Variants in MOB4 observed in about 807,000 individuals in gnomAD.
MOB4 encodes MOB-like protein phocein.
Under a neutral mutation model 32.2 loss-of-function variants are expected in MOB4, and 4 were observed. The ratio of observed to expected loss-of-function variants is 0.12; its 90% CI spans 0.06 to 0.28. The LOEUF (loss-of-function observed/expected upper bound fraction) is 0.28. MOB4 is among the 10% of genes least tolerant of loss of function. The pLI is 1.00. For synonymous variants in MOB4, 88 were observed against 88.1 expected (o/e 1.00, Z 0.01); for missense variants, 158 against 271.2 (o/e 0.58, Z 2.93).
chr2:197,520,375 A>G lies in MOB4; in HGVS notation c.61-3249A>G, dbSNP rs541286328. Among the ~76,000 whole-genome samples, 188 of 151,948 alleles carry G rather than the reference A, an allele frequency of 1.2e-3. 1 individual carries two copies. The highest frequency in any genetic ancestry group is 4.3e-3 in the African/African-American group (179 of 41,434). ...AGGATGGTCTCGATCTGCTGACCTC[A>G]TGATCCGCCTGCCTCGGCCTCCCAA... is the stretch of plus-strand genomic sequence containing the variant. On this transcript the variant is annotated intron_variant, in intron 1 of 7. Transcript: ENST00000323303.
chr2:197,541,040 A>G (rs1303134577), intron 5 of MOB4, among the ~76,000 whole-genome samples: 1 of 151,920 alleles, frequency 6.6e-6, no homozygotes, highest in African/African-American at 2.4e-5. Flanking sequence ...GGCTGAGATT[A>G]CAGGCATGCG....
At chr2:197,519,305 A>G (rs909374363) in intron 1 of MOB4, among the ~76,000 whole-genome samples, 6 of 152,330 alleles carry the variant, frequency 3.9e-5, no homozygotes, top group East Asian at 1.9e-4. Flanking sequence ...CAGTTATGAG[A>G]AGGCGAAACA....
chr2:197,550,629 G>A lies in MOB4; in HGVS notation c.661G>A (p.Gly221Arg), dbSNP rs1305472695. 6.3e-7 allele frequency: 1 copy of A among 1,599,332 alleles called. No individual in the cohort carries two copies. The highest frequency in any genetic ancestry group is 1.3e-5 in the African/African-American group (1 of 74,116). ...AGAGGAAGTACAGAATTCAGTTTCT[G>A]GGGAAAGTGAAGCATGAAGGGAATC... ...LEEEVQNSVSGESEA is the reference protein window; with the variant it reads ...LEEEVQNSVSRESEA Residue 221 changes from glycine to arginine, a missense_variant, in exon 8 of 8, where the codon GGG becomes AGG. By Grantham distance (125) the Gly-to-Arg change is moderately radical. This residue lies in a region of MOB4 where 45 missense variants were observed against 65.6 expected (regional missense o/e 0.69). Transcript: ENST00000323303.
chr2:197,531,535 T>C (rs2086704772), intron 2 of MOB4, among the ~76,000 whole-genome samples: 1 of 152,142 alleles, frequency 6.6e-6, no homozygotes, highest in African/African-American at 2.4e-5. Context: ...TATATCTTTT[T>C]ACAAACTTGG....
At chr2:197,527,556 CTATA>C (rs2086630798) in intron 2 of MOB4, among the ~76,000 whole-genome samples, 1 of 152,104 alleles carries the variant, frequency 6.6e-6, no homozygotes, top group Admixed American at 6.6e-5. Flanking sequence ...TTGGGATTTC[CTATA>C]TATAGGATCA....
chr2:197,527,444 C>A (rs1182310289), intron 2 of MOB4, among the ~76,000 whole-genome samples: 3 of 152,134 alleles, frequency 2.0e-5, no homozygotes, highest in Non-Finnish European at 4.4e-5. Context: ...TTTTTAGATT[C>A]TTACAGGTAT....
At chr2:197,515,754 C>T, upstream of MOB4, 1 of 378,156 alleles carries the variant, frequency 2.6e-6, no homozygotes, top group Non-Finnish European at 4.8e-6. Flanking sequence ...GAGCCCATAC[C>T]AACGTGCAAC....
At chr2:197,528,263 G>A (rs1218971083) in intron 2 of MOB4, among the ~76,000 whole-genome samples, 2 of 152,068 alleles carry the variant, frequency 1.3e-5, no homozygotes, top group Non-Finnish European at 2.9e-5. Flanking sequence ...TTTTAAGGGT[G>A]AGTTGAACAT....
chr2:197,548,206 C>T lies in MOB4; in HGVS notation c.355-130C>T, dbSNP rs557923003. On this transcript the variant is annotated intron_variant, in intron 5 of 7. Coordinates refer to ENST00000323303, the MANE Select transcript of MOB4 (RefSeq NM_015387.5). ...TATAACATTATATTTTACAAGCATTCGGAAATTGTAAGGAACTTTTTTCTT... is the reference window on the plus strand; with the variant it reads ...TATAACATTATATTTTACAAGCATTTGGAAATTGTAAGGAACTTTTTTCTT... 5.8e-5 allele frequency: 32 copies of T among 550,624 alleles called. No individual in the cohort carries two copies. The South Asian group carries it at 7.5e-4, about 13-fold the overall frequency. The allele number at this position is 550,624 out of a possible 1,614,324, so 34.1% of individuals were successfully genotyped here. A position where few individuals can be genotyped will look rare whatever the true frequency, so the allele number is the denominator to read the frequency against.
At chr2:197,539,503 C>A (rs1025153362) in intron 3 of MOB4, among the ~76,000 whole-genome samples, 1 of 151,720 alleles carries the variant, frequency 6.6e-6, no homozygotes, top group African/African-American at 2.4e-5. Flanking sequence ...ATTTTTGTGG[C>A]GATGGAGTTT....
chr2:197,546,166 A>G (rs1421479501), intron 5 of MOB4, among the ~76,000 whole-genome samples: 1 of 151,744 alleles, frequency 6.6e-6, no homozygotes, highest in East Asian at 1.9e-4. Context: ...GGTTCTTGCC[A>G]TTCTCCTGCC....
intron 5 of MOB4, among the ~76,000 whole-genome samples, chr2:197,546,176 C>G (rs913263317): frequency 6.6e-6 from 1 of 152,132 alleles, no homozygotes; most frequent in African/African-American, 2.4e-5. Flanking sequence ...ATTCTCCTGC[C>G]TCAGCCTCCT....
At position 197,549,875 on chromosome 2, in the gene MOB4, A is replaced by G. The variant is rs543068152; in HGVS notation, c.435-400A>G. Among the ~76,000 whole-genome samples the G allele has an allele frequency of 4.9e-3, 742 of 151,514 alleles. 3 individuals are homozygous for G. Among genetic ancestry groups the G allele is most frequent in the Middle Eastern group, 0.01 (3 of 294 alleles). ...CTTAATTTCTAAAAAAAAAAAAAAA[A>G]AAAAGAAAAGAAAAGGAAAGAATAA... is the stretch of plus-strand genomic sequence containing the variant. On this transcript the variant is annotated intron_variant, in intron 6 of 7. Coordinates refer to ENST00000323303, the MANE Select transcript of MOB4 (RefSeq NM_015387.5).
chr2:197,525,473 C>T (rs760694588), intron 2 of MOB4, among the ~76,000 whole-genome samples: 1 of 152,072 alleles, frequency 6.6e-6, no homozygotes, highest in Admixed American at 6.6e-5. Context: ...TGGGGGCTCA[C>T]ACCTGTAATC....
chr2:197,525,319 G>T (rs926638176), intron 2 of MOB4, among the ~76,000 whole-genome samples: 24 of 151,160 alleles, frequency 1.6e-4, no homozygotes, highest in African/African-American at 5.9e-4. Context: ...CTGCACTCCA[G>T]CTTGGGGGAC....
chr2:197,537,083 A>G (rs1211667721), intron 3 of MOB4, among the ~76,000 whole-genome samples: 1 of 152,104 alleles, frequency 6.6e-6, no homozygotes, highest in African/African-American at 2.4e-5. Flanking sequence ...TTCCTAGTCT[A>G]GGCTTGGTAT....
intron 3 of MOB4, 88 bp downstream of exon 3, chr2:197,535,718 G>C: frequency 1.4e-6 from 2 of 1,463,688 alleles, no homozygotes; most frequent in South Asian, 2.6e-5. Context: ...AATTTACTAT[G>C]TAACTGCAGA....
intron 2 of MOB4, among the ~76,000 whole-genome samples, chr2:197,526,275 T>G (rs1303271144): frequency 6.6e-6 from 1 of 152,180 alleles, no homozygotes; most frequent in Non-Finnish European, 1.5e-5. Context: ...AAATGCTTTT[T>G]CTGCACCTAT....
chr2:197,527,358 T>G (rs2086628094), intron 2 of MOB4, among the ~76,000 whole-genome samples: 1 of 152,210 alleles, frequency 6.6e-6, no homozygotes, highest in Non-Finnish European at 1.5e-5. Context: ...GCAAAAAATT[T>G]TATCTCCTTA....
Sources: gnomAD v4.1 joint callset for allele counts (sites outside exome capture counted in the v4.1 genomes callset) on GRCh38, gnomAD v4.1.1 for gene constraint, gnomAD v4.1.1 regional missense constraint, MANE v1.5 for transcripts, NCBI Gene and HGNC (gene_info 2026-07-23, HGNC 2026-07-21) for gene names.